The following UNC5D variants were observed in gnomAD, a reference collection of about 807,000 sequenced individuals.
UNC5D encodes netrin receptor UNC5D.
In UNC5D, 39 loss-of-function variants were observed where a neutral mutation model predicts 105.4. That is an observed-to-expected ratio of 0.37 (90% CI 0.29 to 0.48). UNC5D has a LOEUF of 0.48. Ranked by LOEUF, UNC5D falls within the 20% of genes least tolerant of loss-of-function variation. The probability of loss-of-function intolerance (pLI) is 0.98; values close to 1 mark genes in which losing one functional copy is unlikely to be tolerated. For missense variants in UNC5D, 991 were observed against 1,202.4 expected (o/e 0.82, Z 2.60); for synonymous variants, 452 against 450.4 (o/e 1.00, Z -0.04).
At chr8:35,476,251 T>G (rs1009335715) in intron 1 of UNC5D, among the ~76,000 whole-genome samples, 2 of 152,194 alleles carry the variant, frequency 1.3e-5, no homozygotes, top group African/African-American at 4.8e-5. Context: ...AGTTAGGCAA[T>G]GGGCCTTCAC....
chr8:35,606,751 A>G (rs1258836389), intron 4 of UNC5D, among the ~76,000 whole-genome samples: 1 of 152,258 alleles, frequency 6.6e-6, no homozygotes, highest in Non-Finnish European at 1.5e-5. Context: ...ATAGCAGCCA[A>G]AAGCAAAAAT....
intron 1 of UNC5D, among the ~76,000 whole-genome samples, chr8:35,491,764 A>G (rs1451470391): frequency 6.6e-6 from 1 of 152,164 alleles, no homozygotes. Context: ...CTAGTATGCC[A>G]TGTCCTGCAT....
At chr8:35,500,614 C>A (rs1811902336) in intron 1 of UNC5D, among the ~76,000 whole-genome samples, 1 of 152,104 alleles carries the variant, frequency 6.6e-6, no homozygotes, top group African/African-American at 2.4e-5. Flanking sequence ...GTCTGTAAAC[C>A]ATATTTATGC....
At chr8:35,391,804 G>C (rs1272125832) in intron 1 of UNC5D, among the ~76,000 whole-genome samples, 1 of 152,192 alleles carries the variant, frequency 6.6e-6, no homozygotes, top group Non-Finnish European at 1.5e-5. Context: ...TAAAAACTTT[G>C]GTCTGGTGGG....
intron 8 of UNC5D, 140 bp from the exon 9 acceptor site, chr8:35,722,070 C>T: frequency 1.1e-6 from 1 of 918,612 alleles, no homozygotes; most frequent in Non-Finnish European, 1.6e-6. Context: ...AAAGTGAGTA[C>T]AACTTGTGTT....
chr8:35,723,204 A>C (rs570895547), intron 9 of UNC5D, among the ~76,000 whole-genome samples: 1 of 152,276 alleles, frequency 6.6e-6, no homozygotes, highest in Non-Finnish European at 1.5e-5. Flanking sequence ...GCGCGGAACC[A>C]GAAGTCTCAG....
chr8:35,424,862 T>C (rs1278726680), intron 1 of UNC5D, among the ~76,000 whole-genome samples: 3 of 152,244 alleles, frequency 2.0e-5, no homozygotes, highest in Non-Finnish European at 4.4e-5. Flanking sequence ...ATTGGCACTT[T>C]AGAAGTTGAC....
intron 4 of UNC5D, among the ~76,000 whole-genome samples, chr8:35,661,565 G>A (rs140656680): frequency 3.9e-5 from 6 of 152,210 alleles, no homozygotes; most frequent in South Asian, 2.1e-4. Flanking sequence ...ACTTAATGCC[G>A]GTTTCCTTAG....
intron 1 of UNC5D, among the ~76,000 whole-genome samples, chr8:35,511,743 A>T (rs201498154): frequency 0.16 from 19,704 of 126,872 alleles, 1,554 homozygotes; most frequent in African/African-American, 0.29. Flanking sequence ...AAAAAAAATT[A>T]AAAAAAAAAA....
At chr8:35,701,089 GA>G (rs1472185277) in intron 7 of UNC5D, among the ~76,000 whole-genome samples, 2 of 152,130 alleles carry the variant, frequency 1.3e-5, no homozygotes, top group Non-Finnish European at 2.9e-5. Context: ...AAAAATACGG[GA>G]TATGACTAGT....
rs543036631 is a variant in UNC5D, at chr8:35,626,286, G to A, written c.570+30629G>A. On this transcript the variant is annotated intron_variant, in intron 4 of 16. Transcript: ENST00000404895. ...ATATATTATTCTTAACGTACTTTACGAGTGCTAAAATCATAGTCAAAATAT... is the reference window on the plus strand; with the variant it reads ...ATATATTATTCTTAACGTACTTTACAAGTGCTAAAATCATAGTCAAAATAT... 6.6e-5 allele frequency among the ~76,000 whole-genome samples: 10 copies of A among 151,520 alleles called. No individual in the cohort carries two copies. The East Asian group carries it at 1.6e-3, about 24-fold the overall frequency.
intron 14 of UNC5D, among the ~76,000 whole-genome samples, chr8:35,764,731 A>G (rs769716426): frequency 6.6e-6 from 1 of 152,232 alleles, no homozygotes; most frequent in Non-Finnish European, 1.5e-5. Flanking sequence ...AGCTGATGGT[A>G]CAAGCAAGTT....
intron 8 of UNC5D, among the ~76,000 whole-genome samples, chr8:35,713,524 G>A (rs1324793744): frequency 3.3e-5 from 5 of 152,196 alleles, no homozygotes; most frequent in African/African-American, 1.2e-4. Context: ...ATAAAGTTTA[G>A]GATAAATATG....
chr8:35,721,601 T>C (rs1043468882), intron 8 of UNC5D: 18 of 678,254 alleles, frequency 2.7e-5, no homozygotes, highest in Non-Finnish European at 4.8e-5. Context: ...AAGACCTTCA[T>C]ATCCCACAAT....
At chr8:35,444,040 C>A (rs147911252) in intron 1 of UNC5D, among the ~76,000 whole-genome samples, 2 of 152,094 alleles carry the variant, frequency 1.3e-5, no homozygotes, top group South Asian at 2.1e-4. Flanking sequence ...CAGATTATAA[C>A]ACAAGAATTT....
At chr8:35,354,235 C>G (rs557545276) in intron 1 of UNC5D, among the ~76,000 whole-genome samples, 115 of 152,160 alleles carry the variant, frequency 7.6e-4, no homozygotes, top group Middle Eastern at 6.8e-3. Context: ...CAGGTAATTT[C>G]TCTCTATGCC....
At chr8:35,644,903 A>G (rs1822954839) in intron 4 of UNC5D, among the ~76,000 whole-genome samples, 1 of 152,132 alleles carries the variant, frequency 6.6e-6, no homozygotes, top group South Asian at 2.1e-4. Context: ...CACTCGGACA[A>G]TGGTAGAATT....
intron 13 of UNC5D, among the ~76,000 whole-genome samples, chr8:35,758,665 T>A (rs1179671187): frequency 5.9e-5 from 9 of 152,346 alleles, no homozygotes; most frequent in Admixed American, 5.2e-4. Context: ...TAGATTGTAT[T>A]ACGTAAAGAT....
At chr8:35,405,585 C>A (rs1296205946) in intron 1 of UNC5D, among the ~76,000 whole-genome samples, 1 of 152,076 alleles carries the variant, frequency 6.6e-6, no homozygotes, top group African/African-American at 2.4e-5. Flanking sequence ...AGAAAAAATT[C>A]TCTCCACCTT....
Sources: allele counts gnomAD v4.1 joint callset (sites outside exome capture counted in the v4.1 genomes callset), GRCh38; gene constraint gnomAD v4.1.1; transcripts MANE v1.5; gene names NCBI Gene and HGNC (gene_info 2026-07-23, HGNC 2026-07-21).